Variants in USP32 observed in about 807,000 individuals in gnomAD.
USP32 encodes ubiquitin carboxyl-terminal hydrolase 32.
In USP32, 59 loss-of-function variants were observed where a neutral mutation model predicts 204.8. The ratio of observed to expected loss-of-function variants is 0.29; its 90% confidence interval spans 0.23 to 0.36. The LOEUF is 0.36. Ranked by LOEUF, USP32 falls within the 10% of genes least tolerant of loss-of-function variation. USP32 has a pLI of 1.00. For missense variants in USP32, 1,160 were observed against 1,946.4 expected (o/e 0.60, Z 7.60); for synonymous variants, 517 against 678.4 (o/e 0.76, Z 3.70).
chr17:60,216,291 CAA>C (rs4047751), intron 16 of USP32, among the ~76,000 whole-genome samples: 18 of 112,524 alleles, frequency 1.6e-4, no homozygotes, highest in African/African-American at 4.4e-4. Flanking sequence ...AGAGAGGTGG[CAA>C]AAAAAAAAAA....
intron 2 of USP32, among the ~76,000 whole-genome samples, chr17:60,338,441 G>A (rs1356061250): frequency 6.6e-6 from 1 of 152,124 alleles, no homozygotes; most frequent in African/African-American, 2.4e-5. Flanking sequence ...ACAATTCAGA[G>A]TTGGTGAGGC....
At chr17:60,383,076 T>C (rs962494439) in intron 1 of USP32, among the ~76,000 whole-genome samples, 2 of 151,896 alleles carry the variant, frequency 1.3e-5, no homozygotes, top group Non-Finnish European at 2.9e-5. Context: ...TGAAACCCCG[T>C]CTATATTAAA....
At chr17:60,197,835 T>C (rs574843845) in intron 27 of USP32, among the ~76,000 whole-genome samples, 5 of 152,342 alleles carry the variant, frequency 3.3e-5, no homozygotes, top group African/African-American at 1.2e-4. Context: ...AAGAATGACA[T>C]GGTATGGAAA....
intron 26 of USP32, among the ~76,000 whole-genome samples, chr17:60,202,998 G>A (rs1422706940): frequency 6.7e-6 from 1 of 150,214 alleles, no homozygotes; most frequent in Non-Finnish European, 1.5e-5. Flanking sequence ...AAGAATGCCT[G>A]GAGCCACCAG....
chr17:60,206,102 T>C (rs2084818577), intron 25 of USP32, among the ~76,000 whole-genome samples: 1 of 151,006 alleles, frequency 6.6e-6, no homozygotes, highest in African/African-American at 2.5e-5. Flanking sequence ...GCAGATCCCT[T>C]GAACCCAGGA....
Position 60,224,101 on chromosome 17 carries a change from C to T in USP32, c.1433-515G>A, listed in dbSNP as rs188833971. On this transcript the variant is annotated intron_variant, in intron 13 of 33. Coordinates refer to ENST00000300896, the MANE Select transcript of USP32 (RefSeq NM_032582.4). ...TTTTGAAAGAAATACATGATCTTTA[C>T]AATACGAAAATATGCACAGAAGATG... 2.2e-4 allele frequency among the ~76,000 whole-genome samples: 33 copies of T among 152,294 alleles called. No individual in the cohort carries two copies. The East Asian group carries it at 6.0e-3, about 28-fold the overall frequency.
chr17:60,237,929 C>T (rs967235041), intron 11 of USP32, among the ~76,000 whole-genome samples: 4 of 152,062 alleles, frequency 2.6e-5, no homozygotes, highest in Non-Finnish European at 4.4e-5. Context: ...TTCAATTATT[C>T]TGGTATATAT....
At chr17:60,349,524 T>C (rs2146018295) in intron 1 of USP32, among the ~76,000 whole-genome samples, 1 of 133,182 alleles carries the variant, frequency 7.5e-6, no homozygotes, top group South Asian at 2.5e-4. Context: ...TGAGCTGAGA[T>C]AGCCCCACTA....
At chr17:60,183,775 CAGA>C (rs979681159) in intron 30 of USP32, among the ~76,000 whole-genome samples, 3 of 152,182 alleles carry the variant, frequency 2.0e-5, no homozygotes, top group South Asian at 4.1e-4. Context: ...TCCACAGAGC[CAGA>C]AGTTCACCCT....
At chr17:60,302,109 G>C (rs866973582) in intron 2 of USP32, among the ~76,000 whole-genome samples, 2 of 130,286 alleles carry the variant, frequency 1.5e-5, no homozygotes, top group African/African-American at 5.3e-5. Flanking sequence ...TAAATATTTT[G>C]TTTGTTTATT....
chr17:60,189,598 T>C (rs2084328956), intron 29 of USP32, among the ~76,000 whole-genome samples: 1 of 152,236 alleles, frequency 6.6e-6, no homozygotes, highest in Admixed American at 6.5e-5. Context: ...TTTTTAGGTA[T>C]GGAGTTAAAA....
At position 60,294,797 on chromosome 17, in the gene USP32, A is replaced by C. The variant is rs1445190701; in HGVS notation, c.297T>G (p.Ile99Met). The change falls in exon 4 of 34, where the codon ATT (isoleucine) becomes ATG (methionine). Residue 99 changes from isoleucine (I) to methionine (M), a missense_variant. Ile to Met is a conservative substitution (Grantham distance 10, BLOSUM62 1). This residue lies in a region of USP32 where 536 missense variants were observed against 680.9 expected (regional missense o/e 0.79). Transcript: ENST00000300896. ...CAGATTCACTTGAAAAAAGACTAAA[A>C]ATGTCTAAGAAAAAGAAAGATAGAA... ...RGKDEEKAKY[I>M]FSLFSSESGN... is the part of the protein sequence containing the mutation. 2.5e-6 allele frequency: 4 copies of C among 1,587,724 alleles called. No homozygotes were observed. Among genetic ancestry groups the C allele is most frequent in the Non-Finnish European group, 2.6e-6 (3 of 1,159,566 alleles).
chr17:60,391,025 T>C (rs1032804653), intron 1 of USP32, among the ~76,000 whole-genome samples: 3 of 151,988 alleles, frequency 2.0e-5, no homozygotes, highest in South Asian at 2.1e-4. Context: ...TGGTAGGGGG[T>C]TGGGGCTGCC....
chr17:60,220,469 A>C (rs569104223), intron 15 of USP32, among the ~76,000 whole-genome samples: 23 of 152,316 alleles, frequency 1.5e-4, no homozygotes, highest in African/African-American at 5.5e-4. Context: ...TTAAACAAAA[A>C]ATTTGGATGT....
At chr17:60,319,330 A>G (rs2088058294) in intron 2 of USP32, among the ~76,000 whole-genome samples, 2 of 152,176 alleles carry the variant, frequency 1.3e-5, no homozygotes, top group South Asian at 2.1e-4. Flanking sequence ...GATAATAAAT[A>G]CGAGTATAAT....
intron 2 of USP32, among the ~76,000 whole-genome samples, chr17:60,319,558 G>A (rs987990800): frequency 2.6e-5 from 4 of 152,130 alleles, no homozygotes; most frequent in Non-Finnish European, 2.9e-5. Flanking sequence ...CGGGCAGATT[G>A]CTTGAGCCCA....
intron 25 of USP32, 84 bp from the exon 26 acceptor site, chr17:60,205,742 G>C: frequency 8.3e-7 from 1 of 1,206,146 alleles, no homozygotes; most frequent in Non-Finnish European, 1.2e-6. Context: ...GAGGACCAGA[G>C]ACAGTGTAGT....
intron 1 of USP32, among the ~76,000 whole-genome samples, chr17:60,400,316 G>T (rs180733647): frequency 6.6e-6 from 1 of 152,268 alleles, no homozygotes; most frequent in East Asian, 1.9e-4. Flanking sequence ...AAGTGGACTG[G>T]AGTGAGAGGA....
At chr17:60,417,260 C>CCAGT (rs1217046249) in intron 1 of USP32, among the ~76,000 whole-genome samples, 1 of 151,782 alleles carries the variant, frequency 6.6e-6, no homozygotes, top group Non-Finnish European at 1.5e-5. Flanking sequence ...GTATTTTCTT[C>CCAGT]CAGTCTTGAT....
Sources: gnomAD v4.1 joint callset for allele counts (sites outside exome capture counted in the v4.1 genomes callset) on GRCh38, gnomAD v4.1.1 for gene constraint, gnomAD v4.1.1 regional missense constraint, MANE v1.5 for transcripts, NCBI Gene and HGNC (gene_info 2026-07-23, HGNC 2026-07-21) for gene names.